Variants in TAFA2 observed in about 807,000 individuals in gnomAD.
The protein encoded by TAFA2 is chemokine-like protein TAFA-2.
In TAFA2, 7 loss-of-function variants were observed where a neutral mutation model predicts 18.8. That is an observed-to-expected ratio of 0.37 (90% CI 0.21 to 0.70). The LOEUF is 0.70. Among genes scored for constraint, TAFA2 ranks in the 30% least tolerant of loss-of-function variants. TAFA2 has a pLI of 0.53. For missense variants in TAFA2, 122 were observed against 158.1 expected (o/e 0.77, Z 1.23); for synonymous variants, 60 against 54.2 (o/e 1.11, Z -0.47).
At chr12:61,937,885 T>C (rs1310167607) in intron 1 of TAFA2, among the ~76,000 whole-genome samples, 1 of 152,028 alleles carries the variant, frequency 6.6e-6, no homozygotes, top group Non-Finnish European at 1.5e-5. Flanking sequence ...TGGGAAAGAA[T>C]ATTAACAAAC....
intron 2 of TAFA2, among the ~76,000 whole-genome samples, chr12:61,807,277 T>C (rs1271802856): frequency 6.6e-6 from 1 of 151,318 alleles, no homozygotes; most frequent in Non-Finnish European, 1.5e-5. Flanking sequence ...CAGGCCATGG[T>C]TTCAGAGGGT....
intron 2 of TAFA2, among the ~76,000 whole-genome samples, chr12:61,865,246 C>G (rs1874304086): frequency 6.6e-6 from 1 of 152,176 alleles, no homozygotes; most frequent in Admixed American, 6.5e-5. Flanking sequence ...AAAGTCTGGG[C>G]TTTGTACCTA....
chr12:61,784,778 A>C (rs1870657525), intron 2 of TAFA2, among the ~76,000 whole-genome samples: 1 of 150,368 alleles, frequency 6.7e-6, no homozygotes, highest in Admixed American at 6.7e-5. Flanking sequence ...TAAATTCTCT[A>C]ATTTTTAATT....
chr12:61,990,425 T>C (rs1026784372), intron 1 of TAFA2, among the ~76,000 whole-genome samples: 3 of 142,036 alleles, frequency 2.1e-5, no homozygotes, highest in South Asian at 2.3e-4. Flanking sequence ...CTGCAAGCTC[T>C]GCCTCCCGGG....
rs760134372 is a variant in TAFA2 at position 62,073,630 on chromosome 12, A to G, written c.-2+117629T>C. ...TCATGTTCAGAAATACTTGAATAGC[A>G]TTGCACAGTTGGTAAGTGGCAGAGC... On this transcript the variant is annotated intron_variant, in intron 1 of 4. Coordinates refer to ENST00000416284, the MANE Select transcript of TAFA2 (RefSeq NM_178539.5). 2.4e-4 allele frequency among the ~76,000 whole-genome samples: 37 copies of G among 152,174 alleles called. 1 individual carries two copies. The highest frequency in any genetic ancestry group is 5.9e-5 in the Non-Finnish European group (4 of 68,020).
chr12:61,808,217 A>G (rs560133267), intron 2 of TAFA2, among the ~76,000 whole-genome samples: 22 of 151,488 alleles, frequency 1.5e-4, no homozygotes, highest in Non-Finnish European at 1.6e-4. Context: ...AATGAGTCTC[A>G]TGAGATCTGA....
intron 1 of TAFA2, among the ~76,000 whole-genome samples, chr12:62,199,618 A>T (rs12828027): frequency 7.9e-5 from 12 of 151,666 alleles, no homozygotes; most frequent in African/African-American, 2.9e-4. Flanking sequence ...ATGTATGTGT[A>T]TATATATATA....
At chr12:61,710,999 T>A (rs1869380819) in intron 4 of TAFA2, among the ~76,000 whole-genome samples, 1 of 151,864 alleles carries the variant, frequency 6.6e-6, no homozygotes, top group Non-Finnish European at 1.5e-5. Context: ...AAAGAAACAA[T>A]AAGGAATAGA....
intron 1 of TAFA2, among the ~76,000 whole-genome samples, chr12:62,227,691 T>C (rs1295478784): frequency 6.6e-6 from 1 of 152,224 alleles, no homozygotes; most frequent in Non-Finnish European, 1.5e-5. Context: ...CCAAAATGTC[T>C]TTGCCCAGAC....
At chr12:62,108,168 T>G (rs1375138889) in intron 1 of TAFA2, among the ~76,000 whole-genome samples, 1 of 151,982 alleles carries the variant, frequency 6.6e-6, no homozygotes, top group Non-Finnish European at 1.5e-5. Context: ...CCCCAGTGTG[T>G]GATGTTCCCC....
intron 1 of TAFA2, among the ~76,000 whole-genome samples, chr12:62,007,263 C>A (rs1880584866): frequency 6.6e-6 from 1 of 152,222 alleles, no homozygotes; most frequent in African/African-American, 2.4e-5. Context: ...TCATTTAGGG[C>A]ATAAATGTTC....
intron 1 of TAFA2, among the ~76,000 whole-genome samples, chr12:62,117,241 C>A (rs1011176612): frequency 1.3e-5 from 2 of 152,156 alleles, no homozygotes; most frequent in Non-Finnish European, 2.9e-5. Flanking sequence ...CTGCCAGTTG[C>A]TTTTGTAAGC....
At chr12:61,864,414 C>CTA (rs151326805) in intron 2 of TAFA2, among the ~76,000 whole-genome samples, 4,901 of 142,428 alleles carry the variant, frequency 0.034, 240 homozygotes, top group African/African-American at 0.13. Flanking sequence ...ATATATATTT[C>CTA]TATATATACA....
At chr12:62,078,414 T>G (rs1868269469) in intron 1 of TAFA2, among the ~76,000 whole-genome samples, 1 of 41,396 alleles carries the variant, frequency 2.4e-5, no homozygotes, top group African/African-American at 9.7e-5. Flanking sequence ...AAAGTATAAT[T>G]GGAAAAAAAA....
intron 1 of TAFA2, among the ~76,000 whole-genome samples, chr12:61,979,238 A>G (rs1024883751): frequency 6.6e-6 from 1 of 152,100 alleles, no homozygotes; most frequent in Non-Finnish European, 1.5e-5. Flanking sequence ...ACTGCATAGC[A>G]CTTTCCACAT....
intron 1 of TAFA2, among the ~76,000 whole-genome samples, chr12:62,128,345 C>A (rs575168631): frequency 6.6e-6 from 1 of 152,158 alleles, no homozygotes; most frequent in South Asian, 2.1e-4. Flanking sequence ...GTTTTGTACT[C>A]AGATAATTCA....
intron 1 of TAFA2, among the ~76,000 whole-genome samples, chr12:62,209,478 G>A (rs1246395272): frequency 6.6e-6 from 1 of 152,144 alleles, no homozygotes; most frequent in Non-Finnish European, 1.5e-5. Flanking sequence ...CCAGTCTCAG[G>A]TATTTTCTTA....
At chr12:62,216,538 C>G (rs2062736679) in intron 1 of TAFA2, among the ~76,000 whole-genome samples, 2 of 152,138 alleles carry the variant, frequency 1.3e-5, no homozygotes, top group African/African-American at 4.8e-5. Context: ...TGGAGAATGA[C>G]AGTAAAGTAA....
At chr12:61,752,942 T>C (rs937156877) in intron 4 of TAFA2, among the ~76,000 whole-genome samples, 3 of 151,984 alleles carry the variant, frequency 2.0e-5, no homozygotes, top group African/African-American at 7.2e-5. Context: ...AGAAAAGAAT[T>C]CAAATTCTGC....
Sources: allele counts gnomAD v4.1 joint callset (sites outside exome capture counted in the v4.1 genomes callset), GRCh38; gene constraint gnomAD v4.1.1; transcripts MANE v1.5; gene names NCBI Gene and HGNC (gene_info 2026-07-23, HGNC 2026-07-21).